CYP7B1: variants seen among roughly 807,000 people sequenced by gnomAD.
The protein encoded by CYP7B1 is cytochrome P450 family 7 subfamily B member 1.
A neutral mutation model predicts 42.7 loss-of-function variants in CYP7B1; 29 were observed. The ratio of observed to expected loss-of-function variants is 0.68; its 90% CI spans 0.51 to 0.93. CYP7B1 has a LOEUF of 0.93. Among genes scored for constraint, CYP7B1 ranks in the 40% least tolerant of loss-of-function variants. CYP7B1 has a pLI of 0.00. For missense variants in CYP7B1, 655 were observed against 600.5 expected (o/e 1.09, Z -0.95); for synonymous variants, 235 against 218.2 (o/e 1.08, Z -0.68).
chr8:64,779,304 T>A lies in CYP7B1; in HGVS notation c.122+19162A>T, dbSNP rs528634440. On this transcript the variant is annotated intron_variant, in intron 1 of 5. Coordinates refer to ENST00000310193, the MANE Select transcript of CYP7B1 (RefSeq NM_004820.5). ...AACCTCTATAAAATGAGGAAAGTTA[T>A]CATAAGAGGATTCAATAAAATTCAA... Among the ~76,000 whole-genome samples the A allele has an allele frequency of 3.9e-5, 6 of 152,242 alleles. No individual in the cohort carries two copies. The South Asian group carries it at 1.2e-3, about 32-fold the overall frequency.
intron 1 of CYP7B1, among the ~76,000 whole-genome samples, chr8:64,789,680 AAT>A: frequency 6.6e-6 from 1 of 152,204 alleles, no homozygotes. Flanking sequence ...AATGCTGCTA[AAT>A]ATTCTACTGC....
chr8:64,737,288 A>C (rs1807504296), intron 1 of CYP7B1, among the ~76,000 whole-genome samples: 1 of 152,208 alleles, frequency 6.6e-6, no homozygotes, highest in Non-Finnish European at 1.5e-5. Context: ...ATTATCCCTC[A>C]ATATAAAGAA....
At chr8:64,603,106 T>C (rs959672947) in intron 5 of CYP7B1, among the ~76,000 whole-genome samples, 11 of 152,228 alleles carry the variant, frequency 7.2e-5, no homozygotes, top group African/African-American at 2.7e-4. Flanking sequence ...ACCCTAATGA[T>C]GCTAAATCAG....
chr8:64,671,190 A>G (rs750828166), intron 1 of CYP7B1, among the ~76,000 whole-genome samples: 10 of 152,138 alleles, frequency 6.6e-5, no homozygotes, highest in Admixed American at 2.0e-4. Context: ...CCCTCCATGT[A>G]TACACAAAAT....
In CYP7B1 at chr8:64,591,365, C is replaced by T. The variant is rs1351718839; in HGVS notation, c.*5277G>A. On this transcript the variant is annotated 3_prime_UTR_variant, in exon 6 of 6. Coordinates refer to ENST00000310193, the MANE Select transcript of CYP7B1 (RefSeq NM_004820.5). Reference sequence around the variant, plus strand: ...ATGTTAATATGAGTATCTAATTATGCAATACAAGTAAACAATAGTTTGCAA... The same window carrying T: ...ATGTTAATATGAGTATCTAATTATGTAATACAAGTAAACAATAGTTTGCAA... Among the ~76,000 whole-genome samples the T allele has an allele frequency of 6.6e-6, 1 of 152,062 alleles. No individual in the cohort carries two copies. Among genetic ancestry groups the T allele is most frequent in the Non-Finnish European group, 1.5e-5 (1 of 67,978 alleles).
chr8:64,746,286 T>C (rs1272146480), intron 1 of CYP7B1, among the ~76,000 whole-genome samples: 11 of 152,164 alleles, frequency 7.2e-5, no homozygotes, highest in Non-Finnish European at 1.2e-4. Context: ...CAAGCTTCTG[T>C]TGTCTATTTA....
chr8:64,705,230 G>C (rs528288794), intron 1 of CYP7B1, among the ~76,000 whole-genome samples: 3 of 96,810 alleles, frequency 3.1e-5, no homozygotes, highest in Non-Finnish European at 7.0e-5. Flanking sequence ...TCAAAAAGGT[G>C]GGGGGGGGAA....
Position 64,592,767 on chromosome 8 carries a change from T to G in CYP7B1, c.*3875A>C. 6.6e-6 allele frequency among the ~76,000 whole-genome samples: 1 copy of G among 152,308 alleles called. No homozygotes were observed. The highest frequency in any genetic ancestry group is 1.5e-5 in the Non-Finnish European group (1 of 68,022). ...CAATGAACTCTGATGTCAAAGGGCC[T>G]TATTATTTTATTTTTCAAATGAGGA... is the stretch of plus-strand genomic sequence containing the variant. On this transcript the variant is annotated 3_prime_UTR_variant, in exon 6 of 6. Transcript: ENST00000310193.
chr8:64,702,425 C>T (rs1210785898), intron 1 of CYP7B1, among the ~76,000 whole-genome samples: 2 of 152,058 alleles, frequency 1.3e-5, no homozygotes, highest in Non-Finnish European at 2.9e-5. Flanking sequence ...TACTGAAAAC[C>T]TACTGGGATC....
chr8:64,686,976 G>T (rs577300818), intron 1 of CYP7B1, among the ~76,000 whole-genome samples: 1 of 130,170 alleles, frequency 7.7e-6, no homozygotes, highest in East Asian at 2.2e-4. Context: ...CAAGTAATCA[G>T]GGACACAAAC....
chr8:64,780,741 C>A (rs187969260), intron 1 of CYP7B1, among the ~76,000 whole-genome samples: 1 of 152,080 alleles, frequency 6.6e-6, no homozygotes, highest in African/African-American at 2.4e-5. Context: ...AAACCTCCTA[C>A]AAGAAGTTGT....
At chr8:64,629,821 G>C (rs1222654010) in intron 1 of CYP7B1, among the ~76,000 whole-genome samples, 1 of 152,236 alleles carries the variant, frequency 6.6e-6, no homozygotes, top group African/African-American at 2.4e-5. Context: ...ATCAAGAATT[G>C]CATGTTTGTC....
At chr8:64,748,030 C>A (rs920409029) in intron 1 of CYP7B1, among the ~76,000 whole-genome samples, 1 of 152,188 alleles carries the variant, frequency 6.6e-6, no homozygotes, top group Non-Finnish European at 1.5e-5. Flanking sequence ...GTCCTTCCCA[C>A]CCAAACTCCT....
intron 1 of CYP7B1, among the ~76,000 whole-genome samples, chr8:64,715,086 T>C (rs2129632738): frequency 6.6e-6 from 1 of 152,318 alleles, no homozygotes; most frequent in Non-Finnish European, 1.5e-5. Context: ...AGTATCTTTG[T>C]TGCTTTCCAA....
chr8:64,709,172 T>A (rs1314245947), intron 1 of CYP7B1, among the ~76,000 whole-genome samples: 1 of 152,188 alleles, frequency 6.6e-6, no homozygotes, highest in African/African-American at 2.4e-5. Context: ...ACACAATCAT[T>A]TCCTTGGGTG....
intron 1 of CYP7B1, among the ~76,000 whole-genome samples, chr8:64,639,814 G>A (rs991809424): frequency 4.6e-5 from 7 of 152,036 alleles, no homozygotes; most frequent in African/African-American, 1.7e-4. Flanking sequence ...ATATGTGAAT[G>A]TTCATAGGAG....
At chr8:64,616,477 C>T (rs184978233) in intron 2 of CYP7B1, among the ~76,000 whole-genome samples, 196 bp from the exon 3 acceptor site, 9 of 152,222 alleles carry the variant, frequency 5.9e-5, no homozygotes, top group Admixed American at 4.6e-4. Context: ...ACTCTAGAAA[C>T]GTGAAGTTAA....
intron 1 of CYP7B1, among the ~76,000 whole-genome samples, chr8:64,748,118 A>G (rs1242420809): frequency 6.6e-6 from 1 of 152,146 alleles, no homozygotes; most frequent in African/African-American, 2.4e-5. Flanking sequence ...CTGATGAGAG[A>G]CATCATCAGA....
rs1460521602 is a variant in CYP7B1 at position 64,798,577 on chromosome 8, TCTC to T, written c.8_10del (p.Gly3del). On this transcript the variant is annotated inframe_deletion, in exon 1 of 6. Transcript: ENST00000310193. ...AAAGCGGCCCGTGGCCGCGGACACTTCTCCTGCCATCCGGCGCGCGCTAGGCCG... is the reference window on the plus strand; with the variant it reads ...AAAGCGGCCCGTGGCCGCGGACACTTCTGCCATCCGGCGCGCGCTAGGCCG... 2.0e-5 allele frequency: 30 copies of T among 1,471,430 alleles called. No individual in the cohort carries two copies. The highest frequency in any genetic ancestry group is 2.5e-5 in the Non-Finnish European group (28 of 1,121,272). 91.1% of individuals were successfully genotyped at this position (1,471,430 alleles called of 1,614,324 possible).
Sources: gnomAD v4.1 joint callset for allele counts (sites outside exome capture counted in the v4.1 genomes callset) on GRCh38, gnomAD v4.1.1 for gene constraint, MANE v1.5 for transcripts, NCBI Gene and HGNC (gene_info 2026-07-23, HGNC 2026-07-21) for gene names.